Variants in GLT1D1 observed in about 807,000 individuals in gnomAD.
GLT1D1 encodes glycosyltransferase 1 domain containing 1.
GLT1D1 carries 21 observed loss-of-function variants against 28.7 expected under a neutral mutation model. The ratio of observed to expected loss-of-function variants is 0.73; its 90% CI spans 0.52 to 1.05. The LOEUF is 1.05. Ranked by LOEUF, GLT1D1 falls within the 50% of genes least tolerant of loss-of-function variation. GLT1D1 has a pLI of 0.00. For missense variants in GLT1D1, 343 were observed against 330.6 expected (o/e 1.04, Z -0.29); for synonymous variants, 147 against 124.8 (o/e 1.18, Z -1.19).
chr12:128,942,743 G>GTTTTTTTTTTTTT (rs1254764237), intron 4 of GLT1D1, among the ~76,000 whole-genome samples: 1 of 100,878 alleles, frequency 9.9e-6, no homozygotes, highest in African/African-American at 4.4e-5. Context: ...TTGTTTGTTT[G>GTTTTTTTTTTTTT]TTTTTGTTTT....
chr12:128,863,598 G>C (rs896328804), intron 1 of GLT1D1, among the ~76,000 whole-genome samples: 3 of 152,010 alleles, frequency 2.0e-5, no homozygotes, highest in African/African-American at 7.2e-5. Context: ...GGCTGGTCTT[G>C]AACTCCTGAC....
At chr12:128,964,691 GA>G (rs1264167501) in intron 7 of GLT1D1, among the ~76,000 whole-genome samples, 1 of 152,202 alleles carries the variant, frequency 6.6e-6, no homozygotes, top group Non-Finnish European at 1.5e-5. Context: ...GTAAGTGTCA[GA>G]GCCAGACCTG....
rs544895291 is a variant in GLT1D1 at position 128,965,066 on chromosome 12, G to A, written c.639+7423G>A. Among the ~76,000 whole-genome samples, 11 of 152,348 alleles carry A rather than the reference G, an allele frequency of 7.2e-5. No homozygotes were observed. In the South Asian group the frequency reaches 1.0e-3, roughly 14 times the overall value. On this transcript the variant is annotated intron_variant, in intron 7 of 7. Transcript: ENST00000281703. The stretch of plus-strand genomic sequence containing the variant: ...TGGCCTGTGGCCTCTGCCTCCTGGT[G>A]TTCGGCTGTTATGGTAGGCTACGTG...
At chr12:128,961,039 C>T (rs1053182639) in intron 7 of GLT1D1, among the ~76,000 whole-genome samples, 1 of 152,144 alleles carries the variant, frequency 6.6e-6, no homozygotes, top group Non-Finnish European at 1.5e-5. Context: ...TTTTTCAAAA[C>T]AGAAAACTGA....
intron 7 of GLT1D1, among the ~76,000 whole-genome samples, chr12:128,964,669 G>A (rs61946470): frequency 0.21 from 32,000 of 152,176 alleles, 4,134 homozygotes; most frequent in Non-Finnish European, 0.3. Context: ...GAGAAACCCA[G>A]TTAACTAGTT....
chr12:128,934,679 T>C (rs967095526), intron 4 of GLT1D1, among the ~76,000 whole-genome samples: 1 of 152,228 alleles, frequency 6.6e-6, no homozygotes. Flanking sequence ...AAGTTATTGA[T>C]TAGAAGAAGA....
chr12:128,882,894 C>CTATTTATT (rs60181904), intron 2 of GLT1D1, among the ~76,000 whole-genome samples: 350 of 149,790 alleles, frequency 2.3e-3, no homozygotes, highest in Middle Eastern at 6.9e-3. Context: ...CCTCCTCTTT[C>CTATTTATT]TATTTATTTA....
At chr12:128,854,111 G>T (rs1956145350) in intron 1 of GLT1D1, among the ~76,000 whole-genome samples, 1 of 152,200 alleles carries the variant, frequency 6.6e-6, no homozygotes, top group South Asian at 2.1e-4. Context: ...TGTCCCCGAA[G>T]TCCCTTTCCC....
At chr12:128,962,417 G>A (rs1273538077) in intron 7 of GLT1D1, among the ~76,000 whole-genome samples, 1 of 152,244 alleles carries the variant, frequency 6.6e-6, no homozygotes, top group Non-Finnish European at 1.5e-5. Context: ...AGCCTGGGCA[G>A]CAGCAATGAG....
chr12:128,944,377 A>G (rs1354936460), intron 4 of GLT1D1: 2 of 997,678 alleles, frequency 2.0e-6, no homozygotes, highest in East Asian at 2.5e-5. Context: ...TGTTTCCAAC[A>G]CCGCTTTTTT....
At chr12:128,910,868 A>G (rs957917470) in intron 4 of GLT1D1, among the ~76,000 whole-genome samples, 2 of 152,304 alleles carry the variant, frequency 1.3e-5, no homozygotes, top group Middle Eastern at 3.4e-3. Flanking sequence ...AGTGAAATAC[A>G]AAATGCGATG....
At chr12:128,853,709 G>A in intron 1 of GLT1D1, 60 bp downstream of exon 1, 1 of 990,722 alleles carries the variant, frequency 1.0e-6, no homozygotes. Context: ...GCGGGGACGC[G>A]GGACCCGGGG....
At chr12:128,978,253 G>A (rs563518782) in intron 7 of GLT1D1, among the ~76,000 whole-genome samples, 1 of 152,224 alleles carries the variant, frequency 6.6e-6, no homozygotes, top group East Asian at 1.9e-4. Context: ...TGCAGCACCT[G>A]GGCTGGAAGG....
At chr12:128,970,235 C>A (rs1458299890) in intron 7 of GLT1D1, among the ~76,000 whole-genome samples, 1 of 152,168 alleles carries the variant, frequency 6.6e-6, no homozygotes, top group Non-Finnish European at 1.5e-5. Context: ...CTGCTTGGAG[C>A]CTCAGCCCCT....
chr12:128,908,301 C>T (rs1420565510), intron 4 of GLT1D1, among the ~76,000 whole-genome samples: 5 of 147,656 alleles, frequency 3.4e-5, no homozygotes, highest in Non-Finnish European at 7.5e-5. Context: ...CTCATCTCAC[C>T]CACGTATTTT....
intron 2 of GLT1D1, among the ~76,000 whole-genome samples, chr12:128,887,845 G>T (rs1301347764): frequency 6.6e-6 from 1 of 152,134 alleles, no homozygotes; most frequent in East Asian, 1.9e-4. Flanking sequence ...TGGTCTGTTG[G>T]GTGATTTGTA....
chr12:128,868,476 C>T (rs752254303), intron 1 of GLT1D1, among the ~76,000 whole-genome samples: 9 of 152,100 alleles, frequency 5.9e-5, no homozygotes, highest in African/African-American at 1.7e-4. Context: ...GTCACTCGTC[C>T]GTATGGAGAA....
chr12:128,875,809 C>T, intron 1 of GLT1D1, 105 bp from the exon 2 acceptor site: 4 of 1,104,342 alleles, frequency 3.6e-6, no homozygotes, highest in Non-Finnish European at 5.2e-6. Flanking sequence ...TCAACAACAA[C>T]AACAACAACA....
chr12:128,918,362 A>T (rs1840922955), intron 4 of GLT1D1, among the ~76,000 whole-genome samples: 1 of 152,184 alleles, frequency 6.6e-6, no homozygotes, highest in Admixed American at 6.5e-5. Context: ...TAGCTAATGC[A>T]TGCTGGGCTT....
Sources: allele counts gnomAD v4.1 joint callset (sites outside exome capture counted in the v4.1 genomes callset), GRCh38; gene constraint gnomAD v4.1.1; transcripts MANE v1.5; gene names NCBI Gene and HGNC (gene_info 2026-07-23, HGNC 2026-07-21).